XKR6: variants seen among roughly 807,000 people sequenced by gnomAD.
XKR6 encodes the protein XK-related protein 6.
XKR6 carries 22 observed loss-of-function variants against 56.7 expected under a neutral mutation model. That is an observed-to-expected ratio of 0.39 (90% confidence interval 0.28 to 0.55). The LOEUF (loss-of-function observed/expected upper bound fraction) is 0.55, where lower values mean the gene tolerates loss of function less well. Among genes scored for constraint, XKR6 ranks in the 20% least tolerant of loss-of-function variants. The pLI is 0.66. For missense variants in XKR6, 852 were observed against 889.0 expected (o/e 0.96, Z 0.53); for synonymous variants, 524 against 387.8 (o/e 1.35, Z -4.13).
chr8:11,001,968 G>GT (rs1347397907), intron 1 of XKR6, among the ~76,000 whole-genome samples: 4 of 151,448 alleles, frequency 2.6e-5, no homozygotes, highest in Non-Finnish European at 4.4e-5. Flanking sequence ...GCAGACCTCA[G>GT]TTTTCTAACC....
In XKR6 at chr8:11,010,063, G is replaced by A. The variant is rs116789379; in HGVS notation, c.765-85233C>T. 7.5e-3 allele frequency among the ~76,000 whole-genome samples: 1,147 copies of A among 152,342 alleles called. 11 individuals carry two copies. Among genetic ancestry groups the A allele is most frequent in the African/African-American group, 0.027 (1,107 of 41,572 alleles). On this transcript the variant is annotated intron_variant, in intron 1 of 2. Coordinates refer to ENST00000416569, the MANE Select transcript of XKR6 (RefSeq NM_173683.4). ...TAATTGGCTCTTGGTTCTGCAGACT[G>A]TACAGGAAGCAAGGCTGAGGAGCCC...
At chr8:10,986,456 G>A (rs1205725459) in intron 1 of XKR6, among the ~76,000 whole-genome samples, 2 of 152,102 alleles carry the variant, frequency 1.3e-5, no homozygotes, top group African/African-American at 2.4e-5. Flanking sequence ...AGATAAAAGC[G>A]ACACCATTAT....
rs1460098401 is a variant in XKR6 at position 11,201,203 on chromosome 8, C to G, written c.137G>C (p.Ser46Thr). The change falls in exon 1 of 3, where the codon AGC becomes ACC. Residue 46 changes from serine to threonine, a missense_variant. Around this residue, in one of 4 missense-constraint regions of XKR6, gnomAD observed 417 missense variants for 355.2 expected, o/e 1.17. Coordinates refer to ENST00000416569, the MANE Select transcript of XKR6 (RefSeq NM_173683.4). Reference sequence around the variant, plus strand: ...CATCGAGCTGCTCTCGCCGGGCTCGCTGCCGTCGCCGCCGCCGCCGCAGCC... The same window carrying G: ...CATCGAGCTGCTCTCGCCGGGCTCGGTGCCGTCGCCGCCGCCGCCGCAGCC... ...GGGCGGGGDGSEPGESSSMHI... is the reference protein window; with the variant it reads ...GGGCGGGGDGTEPGESSSMHI... The G allele has an allele frequency of 6.5e-7, 1 of 1,530,864 alleles. No individual in the cohort carries two copies. Among genetic ancestry groups the G allele is most frequent in the South Asian group, 1.2e-5 (1 of 83,886 alleles). 94.8% of individuals were successfully genotyped at this position (1,530,864 alleles called of 1,614,324 possible).
At chr8:10,950,936 C>G (rs551958017) in intron 1 of XKR6, among the ~76,000 whole-genome samples, 1 of 152,190 alleles carries the variant, frequency 6.6e-6, no homozygotes, top group East Asian at 1.9e-4. Flanking sequence ...GCAGAGACGG[C>G]GAGTTACTTG....
At chr8:11,031,588 C>G (rs1417444554) in intron 1 of XKR6, among the ~76,000 whole-genome samples, 1 of 152,210 alleles carries the variant, frequency 6.6e-6, no homozygotes, top group African/African-American at 2.4e-5. Context: ...CATCCCAGGA[C>G]TGTGCTGCTG....
At chr8:10,917,162 C>T (rs974846479) in intron 2 of XKR6, among the ~76,000 whole-genome samples, 3 of 151,946 alleles carry the variant, frequency 2.0e-5, no homozygotes, top group African/African-American at 7.3e-5. Context: ...AGAGGCATGG[C>T]ATTTGGACCA....
intron 1 of XKR6, among the ~76,000 whole-genome samples, chr8:11,042,155 A>ACAG (rs951365733): frequency 6.6e-6 from 1 of 151,906 alleles, no homozygotes; most frequent in African/African-American, 2.4e-5. Flanking sequence ...TCTTCACATC[A>ACAG]CAGCAGGACT....
At chr8:11,079,688 G>A (rs539289626) in intron 1 of XKR6, among the ~76,000 whole-genome samples, 11 of 152,332 alleles carry the variant, frequency 7.2e-5, no homozygotes, top group African/African-American at 1.4e-4. Context: ...GACCAGGCAC[G>A]GTGGTTCATG....
chr8:10,960,600 G>A (rs1802033001), intron 1 of XKR6, among the ~76,000 whole-genome samples: 1 of 152,174 alleles, frequency 6.6e-6, no homozygotes, highest in African/African-American at 2.4e-5. Flanking sequence ...CCTCAACACA[G>A]CCCAGCCACA....
At chr8:11,099,513 G>A (rs886976094) in intron 1 of XKR6, among the ~76,000 whole-genome samples, 17 of 152,218 alleles carry the variant, frequency 1.1e-4, no homozygotes, top group Non-Finnish European at 2.2e-4. Flanking sequence ...AGCGAGCTCT[G>A]AGATCAGCTC....
intron 1 of XKR6, among the ~76,000 whole-genome samples, chr8:11,088,476 T>A (rs542265657): frequency 9.9e-5 from 15 of 152,230 alleles, no homozygotes; most frequent in African/African-American, 3.6e-4. Context: ...AAGCGCAATG[T>A]CCCTAGAGAG....
At chr8:11,137,062 G>A (rs556156308) in intron 1 of XKR6, 15 of 153,788 alleles carry the variant, frequency 9.8e-5, no homozygotes, top group African/African-American at 3.4e-4. Flanking sequence ...GACTACAAAT[G>A]TGCGTGAAAT....
At chr8:11,040,444 A>T (rs1799258507) in intron 1 of XKR6, among the ~76,000 whole-genome samples, 1 of 151,804 alleles carries the variant, frequency 6.6e-6, no homozygotes, top group South Asian at 2.1e-4. Context: ...AAGCAGGAGG[A>T]TCACTTGAGC....
intron 1 of XKR6, among the ~76,000 whole-genome samples, chr8:11,149,226 T>C (rs1327349187): frequency 1.3e-5 from 2 of 152,226 alleles, no homozygotes; most frequent in African/African-American, 2.4e-5. Flanking sequence ...CTAGATGGCA[T>C]TGCCTACGAC....
At chr8:10,917,927 G>A (rs1408881138) in intron 2 of XKR6, among the ~76,000 whole-genome samples, 3 of 152,192 alleles carry the variant, frequency 2.0e-5, no homozygotes, top group African/African-American at 4.8e-5. Flanking sequence ...GTGCTTTTAT[G>A]TGTGGGGAGA....
intron 1 of XKR6, among the ~76,000 whole-genome samples, chr8:10,967,081 C>G (rs1016668326): frequency 6.6e-6 from 1 of 152,168 alleles, no homozygotes; most frequent in Non-Finnish European, 1.5e-5. Context: ...CTGAGTCAGC[C>G]CGCATTCCAA....
At chr8:11,026,589 T>C in intron 1 of XKR6, among the ~76,000 whole-genome samples, 1 of 151,380 alleles carries the variant, frequency 6.6e-6, no homozygotes, top group Non-Finnish European at 1.5e-5. Flanking sequence ...ACTACACACC[T>C]AGATGGTCTA....
chr8:10,998,678 G>T (rs1003022202), intron 1 of XKR6, among the ~76,000 whole-genome samples: 1 of 152,270 alleles, frequency 6.6e-6, no homozygotes, highest in African/African-American at 2.4e-5. Flanking sequence ...AGGTCACCCA[G>T]CTAGGACACT....
At chr8:11,095,822 A>C (rs982922155) in intron 1 of XKR6, among the ~76,000 whole-genome samples, 38 of 152,216 alleles carry the variant, frequency 2.5e-4, no homozygotes, top group African/African-American at 8.4e-4. Flanking sequence ...ATATCTGGTT[A>C]AGACTAGACC....
Sources: allele counts gnomAD v4.1 joint callset (sites outside exome capture counted in the v4.1 genomes callset), GRCh38; gene constraint gnomAD v4.1.1; regional missense constraint gnomAD v4.1.1; transcripts MANE v1.5; gene names NCBI Gene and HGNC (gene_info 2026-07-23, HGNC 2026-07-21).